The following RANBP3 variants were observed in gnomAD, a reference collection of about 807,000 sequenced individuals.
RANBP3 encodes ran-binding protein 3.
RANBP3 carries 14 observed loss-of-function variants against 77.3 expected under a neutral mutation model. That is an observed-to-expected ratio of 0.18 (90% confidence interval 0.12 to 0.28). RANBP3 has a LOEUF of 0.28. RANBP3 is among the 10% of genes least tolerant of loss of function. The pLI, the probability that RANBP3 is intolerant of heterozygous loss-of-function variation, is 1.00. For missense variants in RANBP3, 586 were observed against 752.3 expected, an observed-to-expected ratio of 0.78 and a Z score of 2.59; for synonymous variants, 315 against 312.4, an observed-to-expected ratio of 1.01 and a Z score of -0.09.
rs139188821 is a variant in RANBP3, at chr19:5,923,118, GTGGGCCCAGCCCTTGCGGT to G, written c.1209+57_1209+75del. 7,220 of 1,197,360 alleles carry G rather than the reference GTGGGCCCAGCCCTTGCGGT, an allele frequency of 6.0e-3. 291 individuals carry two copies. The African/African-American group carries it at 0.094, about 16-fold the overall frequency. 74.2% of individuals were successfully genotyped at this position (1,197,360 alleles called of 1,614,324 possible). A position where few individuals can be genotyped will look rare whatever the true frequency, so the allele number is the denominator to read the frequency against. ...GGGCAGGCCTGTGTGCTCAGAGGAT[GTGGGCCCAGCCCTTGCGGT>G]TGGACCCCCAGGTGCATGGAAGACC... On this transcript the variant is annotated intron_variant, in intron 13 of 16. Coordinates refer to ENST00000340578, the MANE Select transcript of RANBP3 (RefSeq NM_007322.3).
intron 5 of RANBP3, among the ~76,000 whole-genome samples, chr19:5,940,956 C>T (rs538240298): frequency 6.6e-6 from 1 of 152,344 alleles, no homozygotes; most frequent in East Asian, 1.9e-4. Flanking sequence ...TCTCCTGTAC[C>T]AGCCTGCATG....
intron 15 of RANBP3, 110 bp downstream of exon 15, chr19:5,918,386 A>ACGGGGGGGGGGGGGGGGC: frequency 1.6e-6 from 1 of 617,696 alleles, no homozygotes; most frequent in Non-Finnish European, 2.5e-6. Flanking sequence ...GAAGCAACTG[A>ACGGGGGGGGGGGGGGGGC]AGCCCCTCCC....
chr19:5,946,272 G>T (rs938083747), intron 3 of RANBP3, among the ~76,000 whole-genome samples: 1 of 152,176 alleles, frequency 6.6e-6, no homozygotes, highest in African/African-American at 2.4e-5. Context: ...CGGGACACCT[G>T]CACAGAAGGC....
rs1449728213 is a variant in RANBP3, at chr19:5,918,392, C to T, written c.1473+104G>A. On this transcript the variant is annotated intron_variant, in intron 15 of 16. Transcript: ENST00000340578. ...GTGTCCCAGGAAGCAACTGAAGCCC[C>T]TCCCCCCTCCCCTCCCCACCGTCCT... 1.1e-5 allele frequency: 3 copies of T among 262,612 alleles called. 1 individual carries two copies. The highest frequency in any genetic ancestry group is 2.4e-5 in the African/African-American group (1 of 42,280). 16.3% of individuals were successfully genotyped at this position (262,612 alleles called of 1,614,324 possible).
chr19:5,969,712 A>G (rs1038802492), intron 1 of RANBP3, among the ~76,000 whole-genome samples: 52 of 152,346 alleles, frequency 3.4e-4, no homozygotes, highest in African/African-American at 1.2e-3. Flanking sequence ...ACCTGCTTCC[A>G]TGGCCTCGGG....
intron 1 of RANBP3, among the ~76,000 whole-genome samples, chr19:5,976,810 C>T (rs1388241764): frequency 6.6e-6 from 1 of 152,164 alleles, no homozygotes; most frequent in Middle Eastern, 3.2e-3. Flanking sequence ...TGTACAGATG[C>T]CCAGCGCCCG....
chr19:5,977,704 C>A (rs1018334299), intron 1 of RANBP3, among the ~76,000 whole-genome samples: 2 of 152,244 alleles, frequency 1.3e-5, no homozygotes, highest in Admixed American at 6.5e-5. Context: ...GGGCCACAAC[C>A]AGGCCCTAAG....
Position 5,933,543 on chromosome 19 carries a change from A to T in RANBP3, c.407-64T>A, listed in dbSNP as rs2058024455. On this transcript the variant is annotated intron_variant, in intron 5 of 16. Transcript: ENST00000340578. ...TGGGCTGGGGCTGGGCCTGGGGGGC[A>T]AGGGCAGGAGAGGACTATGGTCTTG... 43 of 1,425,624 alleles carry T rather than the reference A, an allele frequency of 3.0e-5. 1 individual carries two copies. In the South Asian group the frequency reaches 4.8e-4, roughly 16 times the overall value. The allele number at this position is 1,425,624 out of a possible 1,614,324, so 88.3% of individuals were successfully genotyped here.
At chr19:5,967,970 T>C (rs1428995228) in intron 1 of RANBP3, among the ~76,000 whole-genome samples, 19 of 151,824 alleles carry the variant, frequency 1.3e-4, no homozygotes. Context: ...TGAGCTGAGA[T>C]AGCACCACTG....
chr19:5,926,042 T>G (rs2057904453), intron 9 of RANBP3, among the ~76,000 whole-genome samples: 1 of 152,198 alleles, frequency 6.6e-6, no homozygotes, highest in Non-Finnish European at 1.5e-5. Flanking sequence ...GGTCAATGCT[T>G]CATACCAATA....
At chr19:5,942,409 C>A (rs1599754914) in intron 3 of RANBP3, among the ~76,000 whole-genome samples, 2 of 152,230 alleles carry the variant, frequency 1.3e-5, no homozygotes, top group East Asian at 3.8e-4. Flanking sequence ...AGCCCAGTCA[C>A]AGGCTGAGGG....
chr19:5,941,860 G>C (rs2058141553), intron 3 of RANBP3, 25 bp from the exon 4 acceptor site: 1 of 1,611,972 alleles, frequency 6.2e-7, no homozygotes, highest in Non-Finnish European at 8.5e-7. Flanking sequence ...ACACAGCCGG[G>C]GTCAGAGGGC....
At chr19:5,939,528 T>C (rs2058107297) in intron 5 of RANBP3, among the ~76,000 whole-genome samples, 1 of 152,214 alleles carries the variant, frequency 6.6e-6, no homozygotes, top group South Asian at 2.1e-4. Flanking sequence ...TGAGTCGGAA[T>C]TGCCTGCAGA....
intron 12 of RANBP3, 71 bp downstream of exon 12, chr19:5,923,741 G>A (rs962233970): frequency 2.4e-6 from 3 of 1,266,498 alleles, no homozygotes; most frequent in East Asian, 2.4e-5. Context: ...CCGGCTGGGG[G>A]TGTGAATGGA....
At chr19:5,956,406 G>A (rs528032487) in intron 2 of RANBP3, among the ~76,000 whole-genome samples, 4 of 152,230 alleles carry the variant, frequency 2.6e-5, no homozygotes, top group Admixed American at 1.3e-4. Flanking sequence ...ATAAAGCCAC[G>A]TCATTAAGCT....
Position 5,921,136 on chromosome 19 carries a change from G to C in RANBP3, c.1330+65C>G. On this transcript the variant is annotated intron_variant, in intron 14 of 16. Coordinates refer to ENST00000340578, the MANE Select transcript of RANBP3 (RefSeq NM_007322.3). This position sits in a 1 kb window ranked among gnomAD's most constrained non-coding sequence, Gnocchi z 5.3. Reference sequence around the variant, plus strand: ...GATCTCCCCCGCTTCATTCCCTTTGGAATTGCATAGTCCCCAGCCCTCCCC... The same window carrying C: ...GATCTCCCCCGCTTCATTCCCTTTGCAATTGCATAGTCCCCAGCCCTCCCC... The C allele has an allele frequency of 6.5e-7, 1 of 1,549,806 alleles. No homozygotes were observed. The highest frequency in any genetic ancestry group is 1.2e-5 in the South Asian group (1 of 86,552).
intron 5 of RANBP3, chr19:5,933,938 T>C (rs1412309556): frequency 1.3e-5 from 2 of 153,420 alleles, no homozygotes; most frequent in African/African-American, 4.8e-5. Flanking sequence ...GTCTGGGAAG[T>C]GAGACAGGTT....
intron 5 of RANBP3, chr19:5,934,022 C>G: frequency 6.6e-6 from 1 of 152,288 alleles, no homozygotes; most frequent in East Asian, 1.9e-4. Context: ...CGGAGCTTCC[C>G]GTCTCAGTGA....
Position 5,927,988 on chromosome 19 carries a change from T to C in RANBP3, c.793A>G (p.Asn265Asp). ...ATQQAFVFGQ[N>D]LRDRVKLINE... Reference sequence around the variant, plus strand: ...CATACCTTAACTCTGTCCCTCAAGTTCTGCCCAAATACAAAGGCTTGCTGT... The same window carrying C: ...CATACCTTAACTCTGTCCCTCAAGTCCTGCCCAAATACAAAGGCTTGCTGT... Residue 265 changes from asparagine to aspartate, a missense_variant, in exon 9 of 17, where the codon AAC becomes GAC. Coordinates refer to ENST00000340578, the MANE Select transcript of RANBP3 (RefSeq NM_007322.3). 6.2e-7 allele frequency: 1 copy of C among 1,613,308 alleles called. No individual in the cohort carries two copies. The highest frequency in any genetic ancestry group is 8.5e-7 in the Non-Finnish European group (1 of 1,179,686).
Sources: gnomAD v4.1 joint callset for allele counts (sites outside exome capture counted in the v4.1 genomes callset) on GRCh38, gnomAD v4.1.1 for gene constraint, Gnocchi (gnomAD v3.1) non-coding constraint, MANE v1.5 for transcripts, NCBI Gene and HGNC (gene_info 2026-07-23, HGNC 2026-07-21) for gene names.